IGFL2: variants seen among roughly 807,000 people sequenced by gnomAD.
The protein encoded by IGFL2 is IGF like family member 2, also known as insulin growth factor-like family member 2.
In IGFL2, 7 loss-of-function variants were observed where a neutral mutation model predicts 13.9. The observed-to-expected ratio is 0.51, with a 90% CI of 0.29 to 0.95. The LOEUF (loss-of-function observed/expected upper bound fraction) is 0.95. Among genes scored for constraint, IGFL2 ranks in the 40% least tolerant of loss-of-function variants. The probability of loss-of-function intolerance (pLI) is 0.08; values close to 1 mark genes in which losing one functional copy is unlikely to be tolerated. For missense variants in IGFL2, 138 were observed against 147.8 expected (o/e 0.93, Z 0.34); for synonymous variants, 55 against 55.8 (o/e 0.99, Z 0.07).
the IGFL2 span, among the ~76,000 whole-genome samples, chr19:46,112,628 C>G: frequency 6.6e-6 from 1 of 152,110 alleles, no homozygotes; most frequent in African/African-American, 2.4e-5. Context: ...ATCAAACAGC[C>G]CTAAAACTTG....
the IGFL2 span, among the ~76,000 whole-genome samples, chr19:46,092,061 G>A: frequency 6.6e-6 from 1 of 152,300 alleles, no homozygotes. Context: ...TTCAAACCTG[G>A]ATTTCAAGAT....
chr19:46,182,134 C>T, the IGFL2 span, among the ~76,000 whole-genome samples: 16 of 152,002 alleles, frequency 1.1e-4, no homozygotes, highest in Non-Finnish European at 1.8e-4. Flanking sequence ...TTTGAGAGGC[C>T]GAGGTGGGCA....
At chr19:46,138,232 C>G (rs1972691390), upstream of IGFL2, among the ~76,000 whole-genome samples, 1 of 152,102 alleles carries the variant, frequency 6.6e-6, no homozygotes. Context: ...GAGGGTTTAA[C>G]TATGGTATAA....
At chr19:46,165,829 G>A (rs1974375975), downstream of IGFL2, among the ~76,000 whole-genome samples, 2 of 152,210 alleles carry the variant, frequency 1.3e-5, no homozygotes, top group East Asian at 1.9e-4. Context: ...TCTGTGAGCC[G>A]GACCCAATAG....
chr19:46,085,428 C>T, the IGFL2 span, among the ~76,000 whole-genome samples: 1 of 152,096 alleles, frequency 6.6e-6, no homozygotes, highest in Non-Finnish European at 1.5e-5. Flanking sequence ...GGTTTAAAGT[C>T]TGTTTTGTCT....
chr19:46,137,248 A>G, the IGFL2 span: 1 of 1,388,624 alleles, frequency 7.2e-7, no homozygotes, highest in South Asian at 1.2e-5. Flanking sequence ...ACTGATTTGG[A>G]TCTTTGCCAT....
the IGFL2 span, among the ~76,000 whole-genome samples, chr19:46,172,108 G>C: frequency 6.6e-6 from 1 of 152,198 alleles, no homozygotes; most frequent in Non-Finnish European, 1.5e-5. Flanking sequence ...GTTGACTCCA[G>C]AGATACGGAC....
the IGFL2 span, among the ~76,000 whole-genome samples, chr19:46,115,411 G>C: frequency 6.6e-6 from 1 of 152,180 alleles, no homozygotes; most frequent in African/African-American, 2.4e-5. Context: ...GGCGGCGTCA[G>C]TAGAAAACAC....
the IGFL2 span, among the ~76,000 whole-genome samples, chr19:46,166,896 C>T: frequency 6.6e-6 from 1 of 152,036 alleles, no homozygotes; most frequent in Non-Finnish European, 1.5e-5. Flanking sequence ...TTTCAGGGTG[C>T]CCACATTTCA....
At chr19:46,143,982 C>T (rs1314583036), upstream of IGFL2, among the ~76,000 whole-genome samples, 1 of 152,228 alleles carries the variant, frequency 6.6e-6, no homozygotes, top group Non-Finnish European at 1.5e-5. Flanking sequence ...TGTGGGCCCA[C>T]CTCTCACCTC....
downstream of IGFL2, among the ~76,000 whole-genome samples, chr19:46,165,294 G>A (rs1201990325): frequency 1.3e-5 from 2 of 152,232 alleles, no homozygotes; most frequent in Non-Finnish European, 2.9e-5. Flanking sequence ...CCCAACTATG[G>A]AAGGGTGCTG....
At chr19:46,103,093 G>A in the IGFL2 span, among the ~76,000 whole-genome samples, 278 of 152,246 alleles carry the variant, frequency 1.8e-3, 2 homozygotes, top group Non-Finnish European at 2.0e-3. Context: ...AGAAATGGGA[G>A]GACCCAGGAC....
At chr19:46,192,684 T>G in the IGFL2 span, among the ~76,000 whole-genome samples, 1,541 of 152,078 alleles carry the variant, frequency 0.01, 28 homozygotes, top group African/African-American at 0.035. Flanking sequence ...CTCCCAAAGT[T>G]CTGGGATTAC....
upstream of IGFL2, among the ~76,000 whole-genome samples, chr19:46,143,442 C>G (rs1263903382): frequency 1.3e-5 from 2 of 150,122 alleles, no homozygotes; most frequent in Non-Finnish European, 3.0e-5. Flanking sequence ...ACTCTGTTAC[C>G]TAGGATGGAG....
At chr19:46,177,259 G>C in the IGFL2 span, among the ~76,000 whole-genome samples, 2 of 152,234 alleles carry the variant, frequency 1.3e-5, no homozygotes, top group East Asian at 3.9e-4. Flanking sequence ...GCGGTGTGGT[G>C]GTGGGCACCT....
intron 1 of IGFL2, chr19:46,149,118 T>G: frequency 9.1e-7 from 1 of 1,103,302 alleles, no homozygotes; most frequent in Non-Finnish European, 1.4e-6. Context: ...CTGTGTTCAC[T>G]AACTTCTTTT....
the IGFL2 span, chr19:46,208,827 CTA>C: frequency 1.3e-5 from 2 of 152,214 alleles, no homozygotes; most frequent in Admixed American, 1.3e-4. Flanking sequence ...GCGTGCAGAA[CTA>C]TGAGTCAATT....
At chr19:46,184,215 A>G in the IGFL2 span, among the ~76,000 whole-genome samples, 1 of 152,136 alleles carries the variant, frequency 6.6e-6, no homozygotes, top group African/African-American at 2.4e-5. Flanking sequence ...GGGTAGTTCA[A>G]AATTATATGT....
the IGFL2 span, among the ~76,000 whole-genome samples, chr19:46,088,036 G>A: frequency 2.0e-5 from 3 of 152,210 alleles, no homozygotes; most frequent in Non-Finnish European, 2.9e-5. Context: ...CTGTGGCTAG[G>A]ACTGTAGGAA....
Sources: allele counts gnomAD v4.1 joint callset (sites outside exome capture counted in the v4.1 genomes callset), GRCh38; gene constraint gnomAD v4.1.1; transcripts MANE v1.5; gene names NCBI Gene and HGNC (gene_info 2026-07-23, HGNC 2026-07-21).